MGST1: variants seen among roughly 807,000 people sequenced by gnomAD.
The protein encoded by MGST1 is glutathione S-transferase 12.
MGST1 carries 5 observed loss-of-function variants against 8.9 expected under a neutral mutation model. That is an observed-to-expected ratio of 0.56 (90% CI 0.29 to 1.19). The LOEUF is 1.19. Among genes scored for constraint, MGST1 ranks in the 50% most tolerant of loss-of-function variants. The pLI, the probability that MGST1 is intolerant of heterozygous loss-of-function variation, is 0.08. For synonymous variants in MGST1, 54 were observed against 67.8 expected, an observed-to-expected ratio of 0.80 and a Z score of 1.00; for missense variants, 182 against 187.4, an observed-to-expected ratio of 0.97 and a Z score of 0.17.
At chr12:16,490,560 A>T (rs1218705653) in intron 4 of MGST1, among the ~76,000 whole-genome samples, 2 of 152,224 alleles carry the variant, frequency 1.3e-5, no homozygotes, top group Non-Finnish European at 2.9e-5. Context: ...TATACTTGGC[A>T]GAATACAAGT....
intron 4 of MGST1, among the ~76,000 whole-genome samples, chr12:16,498,253 G>A (rs1171214741): frequency 6.6e-6 from 1 of 152,122 alleles, no homozygotes; most frequent in African/African-American, 2.4e-5. Context: ...AGGCATAATG[G>A]TTATTCTGAA....
intron 1 of MGST1, among the ~76,000 whole-genome samples, chr12:16,412,260 G>T (rs1216062535): frequency 6.6e-6 from 1 of 152,020 alleles, no homozygotes; most frequent in African/African-American, 2.4e-5. Context: ...GTAATGTAGA[G>T]GATGGTAATA....
At chr12:16,527,865 G>A (rs116746867) in intron 4 of MGST1, among the ~76,000 whole-genome samples, 1,978 of 152,006 alleles carry the variant, frequency 0.013, 47 homozygotes, top group African/African-American at 0.045. Context: ...CAGCGCATAC[G>A]CCCCCTTATT....
At chr12:16,465,069 C>G (rs966370857) in intron 4 of MGST1, among the ~76,000 whole-genome samples, 1 of 152,294 alleles carries the variant, frequency 6.6e-6, no homozygotes, top group Admixed American at 6.5e-5. Flanking sequence ...CCAGCCAGGT[C>G]TCCAGATGTA....
intron 1 of MGST1, chr12:16,400,399 T>C: frequency 2.4e-6 from 2 of 819,618 alleles, no homozygotes; most frequent in East Asian, 4.9e-5. Context: ...CAGTGAGCCT[T>C]GCAGCCTCTT....
chr12:16,541,529 C>G lies in MGST1; in HGVS notation n.483-47999C>G, dbSNP rs528643526. 8.5e-5 allele frequency among the ~76,000 whole-genome samples: 13 copies of G among 152,272 alleles called. No homozygotes were observed. In the South Asian group the frequency reaches 2.5e-3, roughly 29 times the overall value. On this transcript the variant is annotated intron_variant and non_coding_transcript_variant, in intron 4 of 4. Coordinates refer to the MGST1 transcript ENST00000538857. ...GACAATCTAATAAGAACTAAGCCTT[C>G]CCCACTAACCATACACAAAATTAGA...
rs138428306 is a variant in MGST1, at chr12:16,420,374, C to T, written n.779-17014C>T. On this transcript the variant is annotated intron_variant and non_coding_transcript_variant, in intron 1 of 1. Coordinates refer to the MGST1 transcript ENST00000359720. The stretch of plus-strand genomic sequence containing the variant: ...AACACACATTACTTGGCATGAAAGC[C>T]ATTAAACTTATTCTCATAATGAACT... 3.1e-4 allele frequency among the ~76,000 whole-genome samples: 47 copies of T among 152,278 alleles called. No homozygotes were observed. The East Asian group carries it at 7.5e-3, about 24-fold the overall frequency.
Position 16,564,657 on chromosome 12 carries a change from T to C in MGST1, n.483-24871T>C, listed in dbSNP as rs573273619. Reference sequence around the variant, plus strand: ...AAATTCCTCCAAGCTATGTAAAGCATAGTATTTGACTCAAAGTAATTTAAT... The same window carrying C: ...AAATTCCTCCAAGCTATGTAAAGCACAGTATTTGACTCAAAGTAATTTAAT... On this transcript the variant is annotated intron_variant and non_coding_transcript_variant, in intron 4 of 4. Coordinates refer to the MGST1 transcript ENST00000538857. Among the ~76,000 whole-genome samples, 4 of 152,356 alleles carry C rather than the reference T, an allele frequency of 2.6e-5. 1 individual carries two copies. The South Asian group carries it at 8.3e-4, about 32-fold the overall frequency.
At chr12:16,524,565 A>G (rs539938537) in intron 4 of MGST1, among the ~76,000 whole-genome samples, 25 of 152,210 alleles carry the variant, frequency 1.6e-4, no homozygotes, top group Non-Finnish European at 2.5e-4. Context: ...GTCCAGTCAG[A>G]CAACACATAC....
At chr12:16,519,776 T>C (rs1026843277) in intron 4 of MGST1, among the ~76,000 whole-genome samples, 1 of 152,196 alleles carries the variant, frequency 6.6e-6, no homozygotes, top group African/African-American at 2.4e-5. Context: ...GCCTGGTTTT[T>C]GGTTTGTTTC....
chr12:16,572,250 C>T (rs1483514496), intron 4 of MGST1, among the ~76,000 whole-genome samples: 2 of 148,394 alleles, frequency 1.3e-5, no homozygotes, highest in Non-Finnish European at 3.0e-5. Flanking sequence ...GAAGGAATTA[C>T]AATAAAACCT....
rs551066553 is a variant in MGST1 at position 16,415,691 on chromosome 12, G to T, written n.779-21697G>T. Among the ~76,000 whole-genome samples the T allele has an allele frequency of 5.9e-5, 9 of 152,266 alleles. No individual in the cohort carries two copies. In the South Asian group the frequency reaches 1.9e-3, roughly 32 times the overall value. ...GTGTTAATTGACTGTTTATGTTATT[G>T]GTAACGGTTCTGATCAACAGTAGGC... is the stretch of plus-strand genomic sequence containing the variant. On this transcript the variant is annotated intron_variant and non_coding_transcript_variant, in intron 1 of 1. Coordinates refer to the MGST1 transcript ENST00000359720.
At position 16,582,642 on chromosome 12, in the gene MGST1, G is replaced by A. The variant is rs1380106857; in HGVS notation, n.483-6886G>A. ...CAATAAGAGGAGGGATTGAAACCAT[G>A]AGGACAAATAACATCTCCTAGGAAA... On this transcript the variant is annotated intron_variant and non_coding_transcript_variant, in intron 4 of 4. Coordinates refer to the MGST1 transcript ENST00000538857. This position sits in a 1 kb window ranked among gnomAD's most constrained non-coding sequence, Gnocchi z 4.1. Among the ~76,000 whole-genome samples, 2 of 152,172 alleles carry A rather than the reference G, an allele frequency of 1.3e-5. No homozygotes were observed. The highest frequency in any genetic ancestry group is 1.5e-5 in the Non-Finnish European group (1 of 68,028).
At chr12:16,561,635 C>T (rs1942408718) in intron 4 of MGST1, among the ~76,000 whole-genome samples, 1 of 152,208 alleles carries the variant, frequency 6.6e-6, no homozygotes, top group South Asian at 2.1e-4. Context: ...CACAAATGTG[C>T]TGAAGTCTCT....
chr12:16,517,016 G>A lies in MGST1; in HGVS notation n.483-72512G>A, dbSNP rs1941619502. Among the ~76,000 whole-genome samples the A allele has an allele frequency of 6.6e-6, 1 of 152,162 alleles. No individual in the cohort carries two copies. On this transcript the variant is annotated intron_variant and non_coding_transcript_variant, in intron 4 of 4. Coordinates refer to the MGST1 transcript ENST00000538857. The surrounding 1 kb of genome is among the most constrained non-coding windows in gnomAD (Gnocchi z 4.2). ...CTACATTTTTCTTATCCCAGAGGCT[G>A]ACAGTTTTCAGTGGCTACAGTGAGC...
chr12:16,533,518 A>G (rs1591753878), intron 4 of MGST1, among the ~76,000 whole-genome samples: 1 of 152,206 alleles, frequency 6.6e-6, no homozygotes, highest in African/African-American at 2.4e-5. Context: ...TTCTTCTTCA[A>G]GCTCATCAGG....
intron 4 of MGST1, among the ~76,000 whole-genome samples, chr12:16,489,156 T>C (rs911651679): frequency 3.3e-5 from 5 of 152,070 alleles, no homozygotes; most frequent in Non-Finnish European, 7.4e-5. Context: ...TAAATACTTA[T>C]TGAACAAATA....
At position 16,364,265 on chromosome 12, in the gene MGST1, G is replaced by A. The variant is rs1940139105; in HGVS notation, c.*224G>A. ...TTAAGTCTTTTGTCTGATTTTTAAA[G>A]TACTTTCTTATAAATTTGGATCATG... On this transcript the variant is annotated 3_prime_UTR_variant, in exon 4 of 4. Transcript: ENST00000396210. This position sits in a 1 kb window ranked among gnomAD's most constrained non-coding sequence, Gnocchi z 5.7. 2 of 1,213,196 alleles carry A rather than the reference G, an allele frequency of 1.6e-6. No individual in the cohort carries two copies. Among genetic ancestry groups the A allele is most frequent in the Non-Finnish European group, 2.1e-6 (2 of 972,524 alleles). 75.2% of individuals were successfully genotyped at this position (1,213,196 alleles called of 1,614,324 possible).
rs770350835 is a variant in MGST1, at chr12:16,363,844, C to T, written c.271C>T (p.Leu91Phe). 1.6e-5 allele frequency: 26 copies of T among 1,612,022 alleles called. No individual in the cohort carries two copies. The highest frequency in any genetic ancestry group is 1.6e-4 in the Middle Eastern group (1 of 6,070). Reference sequence around the variant, plus strand: ...TATTATTCCATTTCTTGGAATTGGCCTCCTGTATTCCTTGAGTGGTCCCGA... The same window carrying T: ...TATTATTCCATTTCTTGGAATTGGCTTCCTGTATTCCTTGAGTGGTCCCGA... Reference protein sequence around the residue: ...ENIIPFLGIGLLYSLSGPDPS... With the variant: ...ENIIPFLGIGFLYSLSGPDPS... Residue 91 changes from leucine (L) to phenylalanine (F), a missense_variant, in exon 4 of 4, where the codon CTC (leucine) becomes TTC (phenylalanine). Transcript: ENST00000396210. The surrounding 1 kb of genome is among the most constrained non-coding windows in gnomAD (Gnocchi z 4.6).
Sources: allele counts gnomAD v4.1 joint callset (sites outside exome capture counted in the v4.1 genomes callset), GRCh38; gene constraint gnomAD v4.1.1; non-coding constraint Gnocchi (gnomAD v3.1); transcripts MANE v1.5; gene names NCBI Gene and HGNC (gene_info 2026-07-23, HGNC 2026-07-21).